The following PDE10A variants were observed in gnomAD, a reference collection of about 807,000 sequenced individuals.
PDE10A encodes the protein phosphodiesterase 10A.
Under a neutral mutation model 97.7 loss-of-function variants are expected in PDE10A, and 39 were observed. The ratio of observed to expected loss-of-function variants is 0.40; its 90% CI spans 0.31 to 0.52. PDE10A has a LOEUF of 0.52. Among genes scored for constraint, PDE10A ranks in the 20% least tolerant of loss-of-function variants. PDE10A has a pLI of 0.56. For missense variants in PDE10A, 731 were observed against 1,047.8 expected (o/e 0.70, Z 4.17); for synonymous variants, 371 against 376.8 (o/e 0.98, Z 0.18).
intron 1 of PDE10A, among the ~76,000 whole-genome samples, chr6:165,799,430 CCT>C (rs568984706): frequency 4.6e-4 from 69 of 150,016 alleles, no homozygotes; most frequent in African/African-American, 1.6e-3. Flanking sequence ...ATTATTTGCC[CCT>C]CACCTAAAAA....
chr6:165,738,112 C>G (rs1583017780), intron 1 of PDE10A, among the ~76,000 whole-genome samples: 1 of 151,444 alleles, frequency 6.6e-6, no homozygotes, highest in Admixed American at 6.6e-5. Flanking sequence ...GCTGCACCCA[C>G]TAACTCGTCA....
intron 1 of PDE10A, among the ~76,000 whole-genome samples, chr6:165,747,098 A>C (rs1438968958): frequency 6.6e-6 from 1 of 152,232 alleles, no homozygotes; most frequent in East Asian, 1.9e-4. Context: ...GAAGATTTAT[A>C]ACAAAAGTTT....
intron 5 of PDE10A, among the ~76,000 whole-genome samples, chr6:165,442,856 C>T (rs372267578): frequency 6.6e-5 from 10 of 152,074 alleles, no homozygotes; most frequent in Non-Finnish European, 1.0e-4. Flanking sequence ...TGGTGGCTCA[C>T]GCTTGTAATG....
At chr6:165,957,725 G>A (rs1784178170) in intron 1 of PDE10A, among the ~76,000 whole-genome samples, 1 of 152,158 alleles carries the variant, frequency 6.6e-6, no homozygotes, top group African/African-American at 2.4e-5. Context: ...TGTCCCAAGT[G>A]TAAGAAATAA....
chr6:165,666,817 A>G (rs1790510102), upstream of PDE10A, among the ~76,000 whole-genome samples: 1 of 152,232 alleles, frequency 6.6e-6, no homozygotes, highest in Non-Finnish European at 1.5e-5. Flanking sequence ...TTGTTAAGAA[A>G]GTTAATGCGC....
intron 1 of PDE10A, among the ~76,000 whole-genome samples, chr6:165,938,493 T>G (rs550399472): frequency 2.8e-4 from 42 of 152,320 alleles, no homozygotes; most frequent in African/African-American, 1.0e-3. Context: ...TTACTAATCT[T>G]GGATGAGTTT....
intron 1 of PDE10A, among the ~76,000 whole-genome samples, chr6:165,620,328 T>C (rs949336533): frequency 1.3e-5 from 2 of 151,858 alleles, no homozygotes; most frequent in African/African-American, 2.4e-5. Flanking sequence ...AAGGTGATGA[T>C]GGGGGGGTAG....
chr6:165,852,926 C>T (rs780499215), intron 1 of PDE10A, among the ~76,000 whole-genome samples: 4 of 152,238 alleles, frequency 2.6e-5, no homozygotes, highest in Admixed American at 6.5e-5. Flanking sequence ...CTGCCTCCTG[C>T]GATCTGGTTT....
chr6:165,552,997 C>A (rs576638801), intron 1 of PDE10A, among the ~76,000 whole-genome samples: 1 of 152,190 alleles, frequency 6.6e-6, no homozygotes, highest in Admixed American at 6.6e-5. Flanking sequence ...AGGACCCCTC[C>A]ACTCATAGCC....
At chr6:165,625,665 T>C (rs1788348417) in intron 1 of PDE10A, among the ~76,000 whole-genome samples, 1 of 152,112 alleles carries the variant, frequency 6.6e-6, no homozygotes, top group African/African-American at 2.4e-5. Context: ...AGTGAATAAG[T>C]CTCACGAGAT....
At chr6:165,397,856 T>C (rs1195134448) in intron 13 of PDE10A, among the ~76,000 whole-genome samples, 1 of 152,146 alleles carries the variant, frequency 6.6e-6, no homozygotes, top group African/African-American at 2.4e-5. Flanking sequence ...GTGAAAACCT[T>C]ATCAGTAAAC....
intron 18 of PDE10A, among the ~76,000 whole-genome samples, chr6:165,358,092 A>T (rs2128190465): frequency 6.6e-6 from 1 of 152,204 alleles, no homozygotes; most frequent in East Asian, 1.9e-4. Context: ...TTAGAAGTAT[A>T]CTGTTTACTT....
At position 165,328,106 on chromosome 6, in the gene PDE10A, T is replaced by C. The variant is rs929735682; in HGVS notation, c.*4919A>G. 7.2e-5 allele frequency: 11 copies of C among 152,234 alleles called. No homozygotes were observed. The highest frequency in any genetic ancestry group is 2.2e-4 in the African/African-American group (9 of 41,462). 9.4% of individuals were successfully genotyped at this position (152,234 alleles called of 1,614,324 possible). A position where few individuals can be genotyped will look rare whatever the true frequency, so the allele number is the denominator to read the frequency against. On this transcript the variant is annotated 3_prime_UTR_variant, in exon 22 of 22. Coordinates refer to ENST00000539869, the MANE Select transcript of PDE10A (RefSeq NM_001385079.1). ...ATTTCAAATAGGTAGGGGCATTGTA[T>C]AGAAACACCTTCTCTGGGTAAATCT...
At position 165,662,162 on chromosome 6, in the gene PDE10A, G is replaced by A. The variant is rs1308912747; in HGVS notation, c.650C>T (p.Pro217Leu). 9.1e-6 allele frequency: 3 copies of A among 330,314 alleles called. No homozygotes were observed. Among genetic ancestry groups the A allele is most frequent in the Non-Finnish European group, 1.3e-5 (3 of 232,632 alleles). The allele number at this position is 330,314 out of a possible 1,614,324, so 20.5% of individuals were successfully genotyped here. The change falls in exon 1 of 22, where the codon CCC becomes CTC. Residue 217 changes from proline (P) to leucine (L), a missense_variant. By Grantham distance (98) the Pro-to-Leu change is moderately conservative (BLOSUM62 -3). Transcript: ENST00000539869. ...GGCGGCCTGGCCAAGGGGGAGCCGG[G>A]GCGGCGGCGGCGGCCGGGGACCGGC... ...ARAGPRPPPP[P>L]RLPLGQAARR...
chr6:165,903,939 T>G (rs1002155925), intron 1 of PDE10A, among the ~76,000 whole-genome samples: 2 of 152,126 alleles, frequency 1.3e-5, no homozygotes, highest in African/African-American at 4.8e-5. Flanking sequence ...AGGAGGCCAC[T>G]GGGGACCATA....
intron 18 of PDE10A, among the ~76,000 whole-genome samples, chr6:165,373,903 A>G (rs1392396412): frequency 6.6e-6 from 1 of 151,884 alleles, no homozygotes; most frequent in Non-Finnish European, 1.5e-5. Context: ...ATGCAGCCAT[A>G]AAAAATGATG....
intron 1 of PDE10A, among the ~76,000 whole-genome samples, chr6:165,980,102 C>T (rs1317579047): frequency 1.3e-5 from 2 of 152,220 alleles, no homozygotes; most frequent in Admixed American, 6.5e-5. Flanking sequence ...TAAAATCCAT[C>T]ATAGGTGTAA....
At chr6:165,818,613 G>C (rs758071500) in intron 1 of PDE10A, among the ~76,000 whole-genome samples, 2 of 152,158 alleles carry the variant, frequency 1.3e-5, no homozygotes, top group Non-Finnish European at 2.9e-5. Context: ...GTGGGAAATG[G>C]GAGAATGAAC....
intron 1 of PDE10A, among the ~76,000 whole-genome samples, chr6:165,739,589 T>C (rs1349643639): frequency 6.6e-6 from 1 of 151,790 alleles, no homozygotes; most frequent in Non-Finnish European, 1.5e-5. Context: ...ATGATTTTTT[T>C]TTTCATATGA....
Sources: gnomAD v4.1 joint callset for allele counts (sites outside exome capture counted in the v4.1 genomes callset) on GRCh38, gnomAD v4.1.1 for gene constraint, MANE v1.5 for transcripts, NCBI Gene and HGNC (gene_info 2026-07-23, HGNC 2026-07-21) for gene names.